The following UROC1 variants were observed in gnomAD, a reference collection of about 807,000 sequenced individuals.
UROC1 encodes urocanate hydratase 1.
UROC1 carries 79 observed loss-of-function variants against 89.5 expected under a neutral mutation model. That is an observed-to-expected ratio of 0.88 (90% confidence interval 0.74 to 1.06). The LOEUF (loss-of-function observed/expected upper bound fraction) is 1.06. Ranked by LOEUF, UROC1 falls within the 50% of genes least tolerant of loss-of-function variation. The pLI is 0.00. For missense variants in UROC1, 885 were observed against 907.8 expected (o/e 0.97, Z 0.32); for synonymous variants, 361 against 354.8 (o/e 1.02, Z -0.20).
At chr3:126,501,881 C>G in intron 9 of UROC1, 1 of 1,599,436 alleles carries the variant, frequency 6.3e-7, no homozygotes, top group Non-Finnish European at 8.5e-7. Flanking sequence ...CAGGAAAGGA[C>G]ACACAGTCCC....
Position 126,481,681 on chromosome 3 carries a change from G to A in UROC1, c.*664C>T, listed in dbSNP as rs1038129375. The A allele has an allele frequency of 6.6e-6, 1 of 152,250 alleles. No homozygotes were observed. Among genetic ancestry groups the A allele is most frequent in the Non-Finnish European group, 1.5e-5 (1 of 68,102 alleles). The allele number at this position is 152,250 out of a possible 1,614,324, so 9.4% of individuals were successfully genotyped here. On this transcript the variant is annotated 3_prime_UTR_variant, in exon 20 of 20. Transcript: ENST00000290868. ...TTACCGGGCTATGGGATTGGGGAAG[G>A]GGTGCCAGACTCCAGCCTCAGGGGC... is the stretch of plus-strand genomic sequence containing the variant.
intron 19 of UROC1, among the ~76,000 whole-genome samples, chr3:126,482,826 C>T (rs1164465606): frequency 1.3e-5 from 2 of 152,142 alleles, no homozygotes; most frequent in East Asian, 3.9e-4. Context: ...TTTCTTCCCT[C>T]CACCTGGTCT....
rs1218201950 is a variant in UROC1 at position 126,489,273 on chromosome 3, C to T, written c.1708+3G>A. 8 of 1,611,008 alleles carry T rather than the reference C, an allele frequency of 5.0e-6. No individual in the cohort carries two copies. The highest frequency in any genetic ancestry group is 2.2e-5 in the East Asian group (1 of 44,878). On this transcript the variant is annotated splice_donor_region_variant and intron_variant, in intron 17 of 19. Coordinates refer to ENST00000290868, the MANE Select transcript of UROC1 (RefSeq NM_144639.3). ...AAGTTTAAGACATTCTCATCTTCCTCACCTGCACAGAAGGCAGAGCCGTCG... is the reference window on the plus strand; with the variant it reads ...AAGTTTAAGACATTCTCATCTTCCTTACCTGCACAGAAGGCAGAGCCGTCG...
chr3:126,495,699 A>C (rs144072838), intron 15 of UROC1, among the ~76,000 whole-genome samples: 36 of 152,178 alleles, frequency 2.4e-4, no homozygotes, highest in African/African-American at 8.7e-4. Flanking sequence ...GGGTAATTCT[A>C]TTTTTGATTT....
intron 9 of UROC1, among the ~76,000 whole-genome samples, chr3:126,503,313 G>T (rs988111583): frequency 3.3e-5 from 5 of 152,242 alleles, no homozygotes; most frequent in Admixed American, 6.5e-5. Context: ...GTTGAAGCCA[G>T]GTGGGCAACC....
intron 18 of UROC1, among the ~76,000 whole-genome samples, chr3:126,487,603 C>T (rs556612466): frequency 6.6e-6 from 1 of 152,338 alleles, no homozygotes; most frequent in African/African-American, 2.4e-5. Context: ...TGTCCTCCCT[C>T]CGAAGCTGCA....
intron 15 of UROC1, among the ~76,000 whole-genome samples, chr3:126,492,964 G>A (rs1935689288): frequency 6.6e-6 from 1 of 152,146 alleles, no homozygotes; most frequent in African/African-American, 2.4e-5. Context: ...TGAGTCTTAT[G>A]GGAAGATACT....
At chr3:126,503,938 G>T (rs529046045) in intron 9 of UROC1, 57 bp downstream of exon 9, 1 of 1,602,448 alleles carries the variant, frequency 6.2e-7, no homozygotes, top group Admixed American at 1.7e-5. Context: ...TCCTCTTGTG[G>T]TCTCCTGCTG....
At chr3:126,517,085 T>A (rs1560131078) in intron 1 of UROC1, among the ~76,000 whole-genome samples, 1 of 152,118 alleles carries the variant, frequency 6.6e-6, no homozygotes, top group East Asian at 1.9e-4. Flanking sequence ...GCGTGCACCA[T>A]CCCTGGACTG....
rs1936181197 is a variant in UROC1 at position 126,510,900 on chromosome 3, A to C, written c.127-106T>G. On this transcript the variant is annotated intron_variant, in intron 1 of 19. Coordinates refer to ENST00000290868, the MANE Select transcript of UROC1 (RefSeq NM_144639.3). ...TCCCAAATGGATTTGTCTCTGCTCC[A>C]CTCAGAAGCCTGTTGCCCACCCAGA... 20 of 1,487,352 alleles carry C rather than the reference A, an allele frequency of 1.3e-5. No homozygotes were observed. The South Asian group carries it at 2.5e-4, about 18-fold the overall frequency. 92.1% of individuals were successfully genotyped at this position (1,487,352 alleles called of 1,614,324 possible).
rs756436822 is a variant in UROC1 at position 126,500,188 on chromosome 3, G to A, written c.1146-34C>T. On this transcript the variant is annotated intron_variant, in intron 11 of 19. Transcript: ENST00000290868. ...AGCCATGGGTCAGCACCACCGCTGTGAGGCCCTGGGGCCTCCCCAATGTGG... is the reference window on the plus strand; with the variant it reads ...AGCCATGGGTCAGCACCACCGCTGTAAGGCCCTGGGGCCTCCCCAATGTGG... 35 of 1,605,914 alleles carry A rather than the reference G, an allele frequency of 2.2e-5. No individual in the cohort carries two copies. In the South Asian group the frequency reaches 3.1e-4, roughly 14 times the overall value.
At chr3:126,488,355 T>C in intron 17 of UROC1, 76 bp from the exon 18 acceptor site, 3 of 1,561,254 alleles carry the variant, frequency 1.9e-6, no homozygotes, top group East Asian at 2.2e-5. Flanking sequence ...CCAGCCTCGC[T>C]GGCTAAGCCA....
chr3:126,512,615 C>T (rs184890365), intron 1 of UROC1, among the ~76,000 whole-genome samples: 5 of 152,100 alleles, frequency 3.3e-5, no homozygotes, highest in East Asian at 3.9e-4. Context: ...CCCAGCTACT[C>T]GGGAGGCTGA....
intron 6 of UROC1, among the ~76,000 whole-genome samples, chr3:126,506,217 C>T (rs921040598): frequency 1.1e-4 from 17 of 152,204 alleles, no homozygotes; most frequent in African/African-American, 3.4e-4. Context: ...AGACATTTTA[C>T]AAGCAGATTT....
At chr3:126,483,281 G>T in intron 19 of UROC1, 88 bp downstream of exon 19, 1 of 1,236,164 alleles carries the variant, frequency 8.1e-7, no homozygotes, top group South Asian at 1.2e-5. Flanking sequence ...CCCACACCCA[G>T]GAGATGCTGT....
chr3:126,515,657 C>A, intron 1 of UROC1, among the ~76,000 whole-genome samples: 1 of 39,942 alleles, frequency 2.5e-5, no homozygotes, highest in Non-Finnish European at 4.8e-5. Context: ...ACCTACCCTC[C>A]CCCTAACCCC....
At chr3:126,499,946 G>T in intron 12 of UROC1, 111 bp downstream of exon 12, 2 of 1,091,706 alleles carry the variant, frequency 1.8e-6, no homozygotes, top group Non-Finnish European at 1.4e-6. Flanking sequence ...GTCAGGATTT[G>T]CTGGGCCACC....
intron 2 of UROC1, 133 bp from the exon 3 acceptor site, chr3:126,509,811 C>T (rs949923721): frequency 1.3e-5 from 11 of 858,762 alleles, no homozygotes; most frequent in East Asian, 2.6e-5. Context: ...TAGGAACGTA[C>T]AGTGGGGGCT....
intron 1 of UROC1, among the ~76,000 whole-genome samples, chr3:126,514,911 G>A (rs186069842): frequency 6.6e-5 from 10 of 151,972 alleles, no homozygotes; most frequent in Middle Eastern, 3.4e-3. Context: ...TTATACATTC[G>A]ATTTCTTATC....
Sources: gnomAD v4.1 joint callset for allele counts (sites outside exome capture counted in the v4.1 genomes callset) on GRCh38, gnomAD v4.1.1 for gene constraint, MANE v1.5 for transcripts, NCBI Gene and HGNC (gene_info 2026-07-23, HGNC 2026-07-21) for gene names.